The following ALDH3A1 variants were observed in gnomAD, a reference collection of about 807,000 sequenced individuals.
ALDH3A1 encodes aldehyde dehydrogenase, dimeric NADP-preferring.
Under a neutral mutation model 49.9 loss-of-function variants are expected in ALDH3A1, and 46 were observed. The observed-to-expected ratio is 0.92, with a 90% CI of 0.73 to 1.18. The LOEUF is 1.18. ALDH3A1 is among the 50% of genes most tolerant of loss of function. ALDH3A1 has a pLI of 0.00. For missense variants in ALDH3A1, 592 were observed against 611.8 expected, an observed-to-expected ratio of 0.97 and a Z score of 0.34; for synonymous variants, 269 against 253.3, an observed-to-expected ratio of 1.06 and a Z score of -0.59.
Position 19,739,067 on chromosome 17 carries a change from G to T in ALDH3A1, c.1145C>A (p.Ser382Tyr). 6.2e-7 allele frequency: 1 copy of T among 1,613,772 alleles called. No homozygotes were observed. Among genetic ancestry groups the T allele is most frequent in the South Asian group, 1.1e-5 (1 of 91,050 alleles). The stretch of plus-strand genomic sequence containing the variant: ...ATCGTTGGCCGCCACCCCACCACTG[G>T]ATGTCTCTGCAATCATCTTCTTAAT... ...KVIKKMIAETSSGGVAANDVI... is the reference protein window; with the variant it reads ...KVIKKMIAETYSGGVAANDVI... Residue 382 changes from serine (S) to tyrosine (Y), a missense_variant, in exon 9 of 11, where the codon TCC becomes TAC. Ser to Tyr is a moderately radical substitution (Grantham distance 144, BLOSUM62 -2). Transcript: ENST00000225740.
chr17:19,744,908 C>A lies in ALDH3A1; in HGVS notation c.162+60G>T, dbSNP rs936262526. On this transcript the variant is annotated intron_variant, in intron 2 of 10. Transcript: ENST00000225740. Reference sequence around the variant, plus strand: ...TGGGTCGCACTCTCCCCAGCCCCTCCCCCCACGCCCCATCGCATGGCCCCG... The same window carrying A: ...TGGGTCGCACTCTCCCCAGCCCCTCACCCCACGCCCCATCGCATGGCCCCG... 67 of 908,418 alleles carry A rather than the reference C, an allele frequency of 7.4e-5. 6 individuals are homozygous for A. In the Middle Eastern group the frequency reaches 1.2e-3, roughly 16 times the overall value. 56.3% of individuals were successfully genotyped at this position (908,418 alleles called of 1,614,324 possible).
rs971846516 is a variant in ALDH3A1 at position 19,739,536 on chromosome 17, G to A, written c.1088C>T (p.Ala363Val). ...GTCGTTGCTGGAGAACATGTAGAGG[G>A]CCAGGGGCTTCTCACGCTGGTTGAT... ...QFINQREKPL[A>V]LYMFSSNDKV... The change falls in exon 8 of 11, where the codon GCC (alanine) becomes GTC (valine). Residue 363 changes from alanine to valine, a missense_variant. Coordinates refer to ENST00000225740, the MANE Select transcript of ALDH3A1 (RefSeq NM_000691.5). 6.2e-6 allele frequency: 10 copies of A among 1,612,300 alleles called. No homozygotes were observed. Among genetic ancestry groups the A allele is most frequent in the Non-Finnish European group, 8.5e-6 (10 of 1,179,514 alleles).
Position 19,748,298 on chromosome 17 carries a change from C to A in ALDH3A1, c.-45G>T, listed in dbSNP as rs4646786. The stretch of plus-strand genomic sequence containing the variant: ...CTCCCGGTAACTGGGGCTCCTGGAA[C>A]GGCAAGAGCCAAGAGGGGACGTATT... On this transcript the variant is annotated 5_prime_UTR_variant, in exon 1 of 11. Transcript: ENST00000225740. The surrounding 1 kb of genome is among the most constrained non-coding windows in gnomAD (Gnocchi z 4.4). 2 of 515,452 alleles carry A rather than the reference C, an allele frequency of 3.9e-6. No homozygotes were observed. Among genetic ancestry groups the A allele is most frequent in the Non-Finnish European group, 7.8e-6 (2 of 257,972 alleles). The allele number at this position is 515,452 out of a possible 1,614,324, so 31.9% of individuals were successfully genotyped here.
chr17:19,744,989 C>A lies in ALDH3A1; in HGVS notation c.141G>T (p.Ala47=). ...GCACCTTGTGCAGGTCTGCGGCCAG[C>A]GCGCCCACCAGCTCCTGCTCCTGCT... The part of the protein sequence containing the change: ...IQEQEQELVG[A]LAADLHKNEW... Residue 47 remains alanine (A), a synonymous_variant, in exon 2 of 11, where the codon GCG becomes GCT. Coordinates refer to ENST00000225740, the MANE Select transcript of ALDH3A1 (RefSeq NM_000691.5). 6.3e-7 allele frequency: 1 copy of A among 1,583,152 alleles called. No individual in the cohort carries two copies. The highest frequency in any genetic ancestry group is 8.5e-7 in the Non-Finnish European group (1 of 1,173,918).
chr17:19,741,171 G>A lies in ALDH3A1; in HGVS notation c.729C>T (p.Thr243=). 1 of 1,614,054 alleles carries A rather than the reference G, an allele frequency of 6.2e-7. No individual in the cohort carries two copies. Among genetic ancestry groups the A allele is most frequent in the Non-Finnish European group, 8.5e-7 (1 of 1,179,952 alleles). Residue 243 remains threonine (T), a synonymous_variant, in exon 6 of 11, where the codon ACC becomes ACT. Coordinates refer to ENST00000225740, the MANE Select transcript of ALDH3A1 (RefSeq NM_000691.5). ...AGAGGATGTAGTCAGGGGCCACGCA[G>A]GTCTGGCCACTGTTCATGAATTTCC... ...AWGKFMNSGQ[T]CVAPDYILCD...
chr17:19,738,213 A>G lies in ALDH3A1; in HGVS notation c.*8T>C. The G allele has an allele frequency of 6.2e-7, 1 of 1,613,724 alleles. No homozygotes were observed. The highest frequency in any genetic ancestry group is 8.5e-7 in the Non-Finnish European group (1 of 1,179,952). On this transcript the variant is annotated 3_prime_UTR_variant, in exon 11 of 11. Transcript: ENST00000225740. Reference sequence around the variant, plus strand: ...CAGTATGGCCAGGCCAGGCGGAGCAACCCCTCCTCAGTGCTGGGTCATCTG... The same window carrying G: ...CAGTATGGCCAGGCCAGGCGGAGCAGCCCCTCCTCAGTGCTGGGTCATCTG...
At position 19,740,361 on chromosome 17, in the gene ALDH3A1, G is replaced by A. The variant is rs779789522; in HGVS notation, c.924C>T (p.Thr308=). 35 of 1,613,800 alleles carry A rather than the reference G, an allele frequency of 2.2e-5. 1 individual carries two copies. The highest frequency in any genetic ancestry group is 2.0e-4 in the South Asian group (18 of 91,086). ...CTATGTAGCGAGTGGCGGCATCCCC[G>A]GTGCCCCCATAAGCCACCTTCTGGC... ...IEGQKVAYGG[T]GDAATRYIAP... is the part of the protein sequence containing the mutation. The change falls in exon 7 of 11, where the codon ACC becomes ACT. Residue 308 remains threonine, a synonymous_variant. Coordinates refer to ENST00000225740, the MANE Select transcript of ALDH3A1 (RefSeq NM_000691.5).
intron 7 of ALDH3A1, chr17:19,740,028 G>GC: frequency 2.2e-6 from 1 of 450,900 alleles, no homozygotes; most frequent in Non-Finnish European, 3.9e-6. Flanking sequence ...GGCACTGGGG[G>GC]CCCCTCACGG....
rs552989421 is a variant in ALDH3A1, at chr17:19,743,335, C to T, written c.291G>A (p.Glu97=). 1 of 1,614,190 alleles carries T rather than the reference C, an allele frequency of 6.2e-7. No homozygotes were observed. The highest frequency in any genetic ancestry group is 1.7e-5 in the Admixed American group (1 of 60,026). ...CCAGTGGCTCCGAGTGGATGTAGAG[C>T]TCGTCCTGCTGAGTCTGGGGCGTCT... ...VEKTPQTQQD[E]LYIHSEPLGV... The change falls in exon 3 of 11, where the codon GAG becomes GAA. Residue 97 remains glutamate (E), a synonymous_variant. Transcript: ENST00000225740. The surrounding 1 kb of genome is among the most constrained non-coding windows in gnomAD (Gnocchi z 4.4).
chr17:19,741,888 C>T, intron 5 of ALDH3A1, 116 bp downstream of exon 5: 1 of 1,039,574 alleles, frequency 9.6e-7, no homozygotes, highest in Non-Finnish European at 1.4e-6. Context: ...GACCACTGCT[C>T]CATGAGGCAG....
At chr17:19,739,883 C>A (rs2086459116) in intron 7 of ALDH3A1, among the ~76,000 whole-genome samples, 1 of 152,148 alleles carries the variant, frequency 6.6e-6, no homozygotes, top group African/African-American at 2.4e-5. Context: ...ATAGGTTAAC[C>A]TGTACGGAAG....
chr17:19,746,413 A>C (rs957184739), intron 1 of ALDH3A1, among the ~76,000 whole-genome samples: 6 of 152,070 alleles, frequency 3.9e-5, no homozygotes, highest in Non-Finnish European at 1.5e-5. Flanking sequence ...CTCCTATTAG[A>C]TTAGTGGTAG....
rs753516017 is a variant in ALDH3A1, at chr17:19,743,029, C to A, written c.394+203G>T. Reference sequence around the variant, plus strand: ...GGGAAGGCAGGCCCTCTCTGTATCACCAGGTGTGGACACCTGAGCCTGACT... The same window carrying A: ...GGGAAGGCAGGCCCTCTCTGTATCAACAGGTGTGGACACCTGAGCCTGACT... On this transcript the variant is annotated intron_variant, in intron 3 of 10. Coordinates refer to ENST00000225740, the MANE Select transcript of ALDH3A1 (RefSeq NM_000691.5). The surrounding 1 kb of genome is among the most constrained non-coding windows in gnomAD (Gnocchi z 4.4). 11 of 1,532,326 alleles carry A rather than the reference C, an allele frequency of 7.2e-6. No individual in the cohort carries two copies. In the South Asian group the frequency reaches 1.3e-4, roughly 18 times the overall value. The allele number at this position is 1,532,326 out of a possible 1,614,324, so 94.9% of individuals were successfully genotyped here. A position where few individuals can be genotyped will look rare whatever the true frequency, so the allele number is the denominator to read the frequency against.
chr17:19,741,079 G>T lies in ALDH3A1; in HGVS notation c.807+14C>A. 6.2e-7 allele frequency: 1 copy of T among 1,606,080 alleles called. No individual in the cohort carries two copies. The highest frequency in any genetic ancestry group is 1.1e-5 in the South Asian group (1 of 90,880). On this transcript the variant is annotated intron_variant, in intron 6 of 10. Coordinates refer to ENST00000225740, the MANE Select transcript of ALDH3A1 (RefSeq NM_000691.5). ...CAGCCTCTCATCCCACCCTGCCAAG[G>T]GGTCAACACTCACTTTCAGTGACTT...
rs1597666163 is a variant in ALDH3A1, at chr17:19,740,350, G to A, written c.935C>T (p.Ala312Val). The A allele has an allele frequency of 6.2e-7, 1 of 1,613,960 alleles. No individual in the cohort carries two copies. The highest frequency in any genetic ancestry group is 2.2e-5 in the East Asian group (1 of 44,888). The change falls in exon 7 of 11, where the codon GCC (alanine) becomes GTC (valine). Residue 312 changes from alanine to valine, a missense_variant. By Grantham distance (64) the Ala-to-Val change is moderately conservative. Coordinates refer to ENST00000225740, the MANE Select transcript of ALDH3A1 (RefSeq NM_000691.5). The stretch of plus-strand genomic sequence containing the variant: ...GGGTCACGCACCTATGTAGCGAGTG[G>A]CGGCATCCCCGGTGCCCCCATAAGC... ...KVAYGGTGDA[A>V]TRYIAPTILT...
intron 4 of ALDH3A1, 98 bp from the exon 5 acceptor site, chr17:19,742,310 G>A (rs2072328): frequency 0.015 from 19,685 of 1,350,806 alleles, 570 homozygotes; most frequent in East Asian, 0.14. Context: ...CAGCAGCCCC[G>A]AAGCTCAGCA....
chr17:19,738,219 C>A lies in ALDH3A1; in HGVS notation c.*2G>T. 6.2e-7 allele frequency: 1 copy of A among 1,614,008 alleles called. No individual in the cohort carries two copies. Among genetic ancestry groups the A allele is most frequent in the Non-Finnish European group, 8.5e-7 (1 of 1,180,002 alleles). ...GGCCAGGCCAGGCGGAGCAACCCCTCCTCAGTGCTGGGTCATCTGTGAAAG... is the reference window on the plus strand; with the variant it reads ...GGCCAGGCCAGGCGGAGCAACCCCTACTCAGTGCTGGGTCATCTGTGAAAG... On this transcript the variant is annotated 3_prime_UTR_variant, in exon 11 of 11. Transcript: ENST00000225740.
At chr17:19,744,812 G>A in intron 2 of ALDH3A1, 156 bp downstream of exon 2, 1 of 1,356,688 alleles carries the variant, frequency 7.4e-7, no homozygotes, top group South Asian at 1.7e-5. Context: ...GGGCGCGGCG[G>A]AGGGGAGGGC....
chr17:19,741,598 C>G (rs2086493316), intron 5 of ALDH3A1, among the ~76,000 whole-genome samples: 1 of 152,158 alleles, frequency 6.6e-6, no homozygotes, highest in Non-Finnish European at 1.5e-5. Flanking sequence ...TGCCCCAGAC[C>G]CCGAGCAGCG....
Sources: allele counts gnomAD v4.1 joint callset (sites outside exome capture counted in the v4.1 genomes callset), GRCh38; gene constraint gnomAD v4.1.1; non-coding constraint Gnocchi (gnomAD v3.1); transcripts MANE v1.5; gene names NCBI Gene and HGNC (gene_info 2026-07-23, HGNC 2026-07-21).